Variants in KIAA1217 observed in about 807,000 individuals in gnomAD.
KIAA1217 encodes the protein sickle tail protein homolog.
In KIAA1217, 88 loss-of-function variants were observed where a neutral mutation model predicts 163.9. That is an observed-to-expected ratio of 0.54 (90% CI 0.45 to 0.64). KIAA1217 has a LOEUF of 0.64. Among genes scored for constraint, KIAA1217 ranks in the 30% least tolerant of loss-of-function variants. The probability of loss-of-function intolerance (pLI) is 0.00; values close to 1 mark genes in which losing one functional copy is unlikely to be tolerated. For synonymous variants in KIAA1217, 903 were observed against 923.1 expected, an observed-to-expected ratio of 0.98 and a Z score of 0.39; for missense variants, 2,372 against 2,475.0, an observed-to-expected ratio of 0.96 and a Z score of 0.88.
At chr10:24,110,561 C>G (rs1346558649) in intron 2 of KIAA1217, among the ~76,000 whole-genome samples, 2 of 150,616 alleles carry the variant, frequency 1.3e-5, no homozygotes, top group Non-Finnish European at 2.9e-5. Context: ...CCAGTAATTT[C>G]TTTCCTGTCT....
intron 1 of KIAA1217, among the ~76,000 whole-genome samples, chr10:23,774,440 G>C (rs1834925854): frequency 6.6e-6 from 1 of 152,196 alleles, no homozygotes. Flanking sequence ...TGGAGCCAAA[G>C]AGACCTGATA....
intron 1 of KIAA1217, among the ~76,000 whole-genome samples, chr10:23,840,069 C>T (rs975677548): frequency 6.6e-6 from 1 of 152,012 alleles, no homozygotes; most frequent in Admixed American, 6.6e-5. Context: ...TGCCTAATGT[C>T]CTCTCCTTAA....
chr10:24,071,241 TG>T (rs1295656433), intron 2 of KIAA1217, among the ~76,000 whole-genome samples: 1 of 152,184 alleles, frequency 6.6e-6, no homozygotes, highest in African/African-American at 2.4e-5. Flanking sequence ...ACTTTAGAAG[TG>T]AACAAAACAT....
In KIAA1217 at chr10:24,450,647, G is replaced by A. The variant is rs981094980; in HGVS notation, c.846+12168G>A. 7.2e-5 allele frequency among the ~76,000 whole-genome samples: 11 copies of A among 152,182 alleles called. No homozygotes were observed. In the South Asian group the frequency reaches 1.4e-3, roughly 20 times the overall value. On this transcript the variant is annotated intron_variant, in intron 5 of 20. Transcript: ENST00000376454. Reference sequence around the variant, plus strand: ...AGTTTATAGATGAGTTAATATACCTGAGAAGTTGTTATCCAATGTGGTTTA... The same window carrying A: ...AGTTTATAGATGAGTTAATATACCTAAGAAGTTGTTATCCAATGTGGTTTA...
intron 1 of KIAA1217, among the ~76,000 whole-genome samples, chr10:23,822,752 G>A (rs79038192): frequency 0.15 from 22,266 of 152,064 alleles, 1,994 homozygotes; most frequent in Non-Finnish European, 0.19. Flanking sequence ...GAGGTATTTA[G>A]CACAGAGTTT....
intron 6 of KIAA1217, among the ~76,000 whole-genome samples, chr10:24,490,385 C>A (rs1193525820): frequency 6.6e-6 from 1 of 152,154 alleles, no homozygotes; most frequent in Non-Finnish European, 1.5e-5. Context: ...GTGTTCATTT[C>A]TCTTCTTCCA....
At chr10:24,081,950 C>A (rs2061551630) in intron 2 of KIAA1217, among the ~76,000 whole-genome samples, 1 of 152,190 alleles carries the variant, frequency 6.6e-6, no homozygotes, top group Non-Finnish European at 1.5e-5. Context: ...AGAAGTGCTT[C>A]TTTGACCTCA....
chr10:24,249,876 C>T (rs568743838), intron 2 of KIAA1217, among the ~76,000 whole-genome samples: 2 of 152,294 alleles, frequency 1.3e-5, no homozygotes, highest in South Asian at 4.1e-4. Context: ...TCTGAGATCT[C>T]TAAGGTGTGC....
chr10:24,305,821 C>T lies in KIAA1217; in HGVS notation c.355-75048C>T, dbSNP rs557529694. On this transcript the variant is annotated intron_variant, in intron 2 of 20. Transcript: ENST00000376454. The stretch of plus-strand genomic sequence containing the variant: ...AGCCCAGGGGTCATCCATTAAGCAG[C>T]TGGGAATACAGTTCTGGGGCTCAGC... Among the ~76,000 whole-genome samples, 90 of 152,196 alleles carry T rather than the reference C, an allele frequency of 5.9e-4. No individual in the cohort carries two copies. In the South Asian group the frequency reaches 8.5e-3, roughly 14 times the overall value.
chr10:23,789,865 A>T (rs1402957798), intron 1 of KIAA1217, among the ~76,000 whole-genome samples: 1 of 150,604 alleles, frequency 6.6e-6, no homozygotes, highest in Non-Finnish European at 1.5e-5. Context: ...TGGTGAAAAT[A>T]GTTCCCTTCA....
intron 2 of KIAA1217, among the ~76,000 whole-genome samples, chr10:24,350,428 T>C (rs1254874587): frequency 6.6e-6 from 1 of 152,114 alleles, no homozygotes; most frequent in Non-Finnish European, 1.5e-5. Flanking sequence ...TTAAGATAAT[T>C]TTTATTGTGT....
chr10:24,218,134 G>T (rs2069081433), intron 1 of KIAA1217, among the ~76,000 whole-genome samples: 1 of 152,136 alleles, frequency 6.6e-6, no homozygotes, highest in Admixed American at 6.6e-5. Context: ...AACTCCTGAA[G>T]TGCTTCTGAA....
intron 9 of KIAA1217, among the ~76,000 whole-genome samples, chr10:24,502,011 A>G (rs1273333550): frequency 2.0e-5 from 3 of 151,820 alleles, no homozygotes; most frequent in African/African-American, 7.3e-5. Context: ...GGCCTCCCAA[A>G]GTGCTGGGAT....
chr10:24,389,740 G>T (rs1476497491), intron 3 of KIAA1217, among the ~76,000 whole-genome samples: 1 of 152,178 alleles, frequency 6.6e-6, no homozygotes, highest in Non-Finnish European at 1.5e-5. Context: ...CTGGAAAGCA[G>T]ATTCTTTCTG....
chr10:24,210,408 G>C (rs1489761056), intron 1 of KIAA1217, among the ~76,000 whole-genome samples: 2 of 152,092 alleles, frequency 1.3e-5, no homozygotes, highest in African/African-American at 2.4e-5. Context: ...CTCTCCTTCA[G>C]GCTACCGGGG....
At chr10:23,702,056 A>G (rs552845752) in intron 1 of KIAA1217, among the ~76,000 whole-genome samples, 5 of 152,328 alleles carry the variant, frequency 3.3e-5, no homozygotes, top group African/African-American at 1.2e-4. Context: ...AGCCTGCTCC[A>G]TGACCTTGTC....
chr10:24,133,302 G>A (rs977869373), intron 2 of KIAA1217, among the ~76,000 whole-genome samples: 2 of 152,138 alleles, frequency 1.3e-5, no homozygotes, highest in African/African-American at 2.4e-5. Flanking sequence ...GCTAGGCACG[G>A]TGTCTCATGC....
chr10:24,414,797 T>C (rs1216623596), intron 3 of KIAA1217, among the ~76,000 whole-genome samples: 1 of 152,106 alleles, frequency 6.6e-6, no homozygotes, highest in Non-Finnish European at 1.5e-5. Context: ...TATTGTGTGA[T>C]CTTGTGGTTG....
intron 2 of KIAA1217, among the ~76,000 whole-genome samples, chr10:24,267,450 G>C (rs16924454): frequency 6.6e-6 from 1 of 152,286 alleles, no homozygotes; most frequent in Admixed American, 6.5e-5. Flanking sequence ...CCATCTATCT[G>C]TATCTGTATC....
Sources: gnomAD v4.1 joint callset for allele counts (sites outside exome capture counted in the v4.1 genomes callset) on GRCh38, gnomAD v4.1.1 for gene constraint, MANE v1.5 for transcripts, NCBI Gene and HGNC (gene_info 2026-07-23, HGNC 2026-07-21) for gene names.